Variants in TSPEAR observed in about 807,000 individuals in gnomAD.
TSPEAR encodes the protein thrombospondin type laminin G domain and EAR repeats, also known as thrombospondin-type laminin G domain and EAR repeat-containing protein.
Under a neutral mutation model 71.6 loss-of-function variants are expected in TSPEAR, and 69 were observed. That is an observed-to-expected ratio of 0.96 (90% CI 0.79 to 1.18). TSPEAR has a LOEUF of 1.18. TSPEAR is among the 50% of genes most tolerant of loss of function. The pLI, the probability that TSPEAR is intolerant of heterozygous loss-of-function variation, is 0.00. For missense variants in TSPEAR, 971 were observed against 894.9 expected (o/e 1.09, Z -1.09); for synonymous variants, 402 against 387.2 (o/e 1.04, Z -0.45).
Position 44,499,890 on chromosome 21 carries a change from CGGTG to C in TSPEAR, c.1899_1902del (p.Thr634SerfsTer32). The C allele has an allele frequency of 1.9e-6, 3 of 1,607,320 alleles. No homozygotes were observed. The highest frequency in any genetic ancestry group is 2.5e-6 in the Non-Finnish European group (3 of 1,177,926). On this transcript the variant is annotated frameshift_variant, in exon 12 of 12. Coordinates refer to ENST00000323084, the MANE Select transcript of TSPEAR (RefSeq NM_144991.3). LOFTEE classifies it high-confidence loss of function. Reference sequence around the variant, plus strand: ...AAGGCCTCCCAGTCCCTGCAGCCGACGGTGGGGAGGCTGTGCACCGCCACGAAGC... The same window carrying C: ...AAGGCCTCCCAGTCCCTGCAGCCGACGGGAGGCTGTGCACCGCCACGAAGC...
At chr21:44,654,232 G>A in intron 1 of TSPEAR, 7 of 1,509,798 alleles carry the variant, frequency 4.6e-6, no homozygotes, top group Non-Finnish European at 6.4e-6. Flanking sequence ...AGAGCCTGCT[G>A]GCTTCTGACC....
chr21:44,525,421 G>T (rs587726501), intron 8 of TSPEAR, among the ~76,000 whole-genome samples: 1 of 152,324 alleles, frequency 6.6e-6, no homozygotes, highest in African/African-American at 2.4e-5. Flanking sequence ...TCTGTGCTGG[G>T]AGTCAGTCTG....
At chr21:44,648,397 T>C (rs1984566526) in intron 1 of TSPEAR, among the ~76,000 whole-genome samples, 1 of 152,108 alleles carries the variant, frequency 6.6e-6, no homozygotes, top group Non-Finnish European at 1.5e-5. Context: ...AACCAGAAAG[T>C]AGCTGAATTT....
At chr21:44,676,905 G>T (rs1221791604) in intron 1 of TSPEAR, 1 of 885,058 alleles carries the variant, frequency 1.1e-6, no homozygotes, top group Non-Finnish European at 1.9e-6. Context: ...TCAGCTGATC[G>T]ATGTGACGAT....
At chr21:44,678,717 T>A (rs1256682582) in intron 1 of TSPEAR, among the ~76,000 whole-genome samples, 1 of 152,176 alleles carries the variant, frequency 6.6e-6, no homozygotes, top group South Asian at 2.1e-4. Context: ...GATTTTATAT[T>A]TAGAAAAATC....
At position 44,499,499 on chromosome 21, in the gene TSPEAR, A is replaced by G. The variant is rs1307508086; in HGVS notation, c.*284T>C. 4.9e-6 allele frequency: 2 copies of G among 410,092 alleles called. No individual in the cohort carries two copies. The highest frequency in any genetic ancestry group is 9.2e-5 in the East Asian group (2 of 21,780). The allele number at this position is 410,092 out of a possible 1,614,324, so 25.4% of individuals were successfully genotyped here. On this transcript the variant is annotated 3_prime_UTR_variant, in exon 12 of 12. Transcript: ENST00000323084. ...AAATGTATAGAAACGGTTCCTTGAC[A>G]GCGAAATCCCCGCTTGACACTCAGA...
At chr21:44,514,338 T>C (rs1160811265) in intron 9 of TSPEAR, among the ~76,000 whole-genome samples, 2 of 152,192 alleles carry the variant, frequency 1.3e-5, no homozygotes, top group Non-Finnish European at 1.5e-5. Context: ...ACAGCACCTC[T>C]TGCCCTTCCA....
chr21:44,563,535 A>G (rs1466914826), intron 2 of TSPEAR, among the ~76,000 whole-genome samples: 2 of 152,188 alleles, frequency 1.3e-5, no homozygotes, highest in Non-Finnish European at 2.9e-5. Context: ...ATTAGGAAAT[A>G]TGCACTTAAT....
intron 1 of TSPEAR, chr21:44,580,082 G>T: frequency 6.2e-7 from 1 of 1,613,862 alleles, no homozygotes; most frequent in Non-Finnish European, 8.5e-7. Flanking sequence ...CTGGCAGGGG[G>T]AGGAGGTGCA....
chr21:44,580,585 G>A, intron 1 of TSPEAR: 1 of 1,604,196 alleles, frequency 6.2e-7, no homozygotes, highest in Non-Finnish European at 8.5e-7. Context: ...CCATGCTGGG[G>A]TGGGGAAGAC....
At chr21:44,595,282 C>G (rs1164511913) in intron 1 of TSPEAR, among the ~76,000 whole-genome samples, 1 of 152,168 alleles carries the variant, frequency 6.6e-6, no homozygotes, top group Non-Finnish European at 1.5e-5. Context: ...AGCCCATTCT[C>G]ATTATTCCCA....
chr21:44,575,760 T>C (rs1337365503), intron 1 of TSPEAR, among the ~76,000 whole-genome samples: 1 of 152,236 alleles, frequency 6.6e-6, no homozygotes, highest in African/African-American at 2.4e-5. Context: ...CTAAAACCTC[T>C]TGTGCCCTGT....
intron 1 of TSPEAR, chr21:44,697,451 T>G: frequency 6.2e-7 from 1 of 1,614,080 alleles, no homozygotes; most frequent in Non-Finnish European, 8.5e-7. Flanking sequence ...CACGCCCTCG[T>G]GCTGCCAGCA....
At position 44,702,213 on chromosome 21, in the gene TSPEAR, G is replaced by A. The variant is rs939564328; in HGVS notation, c.82+9220C>T. ...GCAAAAGCTCCAGAGGAACAAAGGG[G>A]CCTCCCTGAGCCAGTGCTTCCACCA... On this transcript the variant is annotated intron_variant, in intron 1 of 11. Transcript: ENST00000323084. 5 of 1,580,972 alleles carry A rather than the reference G, an allele frequency of 3.2e-6. No individual in the cohort carries two copies. In the African/African-American group the frequency reaches 6.7e-5, roughly 21 times the overall value.
chr21:44,646,450 C>T (rs1984370571), intron 1 of TSPEAR: 2 of 1,599,018 alleles, frequency 1.3e-6, no homozygotes, highest in Non-Finnish European at 1.7e-6. Flanking sequence ...ACCTCCTCCC[C>T]ACCCCAGCAT....
chr21:44,534,059 G>A (rs1389331536), intron 2 of TSPEAR, 136 bp from the exon 3 acceptor site: 4 of 656,960 alleles, frequency 6.1e-6, no homozygotes, highest in Middle Eastern at 4.0e-4. Context: ...CGAGGTGAGG[G>A]GGCGCGGTGG....
chr21:44,646,696 T>C lies in TSPEAR; in HGVS notation c.82+64737A>G. On this transcript the variant is annotated intron_variant, in intron 1 of 11. Transcript: ENST00000323084. ...CACCAGCTCCTGCACGCCGTCATGC[T>C]GCCAGCAGTCTAGCTGCCAGCCGGC... The C allele has an allele frequency of 3.7e-6, 6 of 1,614,092 alleles. No individual in the cohort carries two copies. Among genetic ancestry groups the C allele is most frequent in the Middle Eastern group, 1.7e-4 (1 of 6,050 alleles).
rs140050455 is a variant in TSPEAR, at chr21:44,612,500, T to G, written c.83-44495A>C. 7.5e-3 allele frequency: 12,042 copies of G among 1,611,440 alleles called. 54 individuals are homozygous for G. The highest frequency in any genetic ancestry group is 8.7e-3 in the Non-Finnish European group (10,253 of 1,178,422). On this transcript the variant is annotated intron_variant, in intron 1 of 11. Transcript: ENST00000323084. The surrounding 1 kb of genome is among the most constrained non-coding windows in gnomAD (Gnocchi z 4.1). ...GTCCAACTGCTGCAAGCCCGTGTGCTGCGTGTCCATCTGCTCTGGAGCTTC... is the reference window on the plus strand; with the variant it reads ...GTCCAACTGCTGCAAGCCCGTGTGCGGCGTGTCCATCTGCTCTGGAGCTTC...
Position 44,499,453 on chromosome 21 carries a change from A to C in TSPEAR, c.*330T>G. The C allele has an allele frequency of 3.5e-6, 1 of 288,424 alleles. No homozygotes were observed. The highest frequency in any genetic ancestry group is 6.5e-6 in the Non-Finnish European group (1 of 152,942). The allele number at this position is 288,424 out of a possible 1,614,324, so 17.9% of individuals were successfully genotyped here. On this transcript the variant is annotated 3_prime_UTR_variant, in exon 12 of 12. Transcript: ENST00000323084. ...AGGCCAGCCGCAGGGACATGAACCG[A>C]GGTCCTGTTGTTTGAGGTAAAAATG... is the stretch of plus-strand genomic sequence containing the variant.
Sources: allele counts gnomAD v4.1 joint callset (sites outside exome capture counted in the v4.1 genomes callset), GRCh38; gene constraint gnomAD v4.1.1; non-coding constraint Gnocchi (gnomAD v3.1); transcripts MANE v1.5; gene names NCBI Gene and HGNC (gene_info 2026-07-23, HGNC 2026-07-21).